DNAH3: variants seen among roughly 807,000 people sequenced by gnomAD.
DNAH3 encodes the protein axonemal beta dynein heavy chain 3.
A neutral mutation model predicts 432.5 loss-of-function variants in DNAH3; 332 were observed. The ratio of observed to expected loss-of-function variants is 0.77; its 90% CI spans 0.70 to 0.84. The LOEUF (loss-of-function observed/expected upper bound fraction) is 0.84, where lower values mean the gene tolerates loss of function less well. Ranked by LOEUF, DNAH3 falls within the 40% of genes least tolerant of loss-of-function variation. The pLI, the probability that DNAH3 is intolerant of heterozygous loss-of-function variation, is 0.00. For synonymous variants in DNAH3, 1,956 were observed against 1,900.2 expected (o/e 1.03, Z -0.76); for missense variants, 4,861 against 5,114.0 (o/e 0.95, Z 1.51).
intron 16 of DNAH3, 89 bp from the exon 17 acceptor site, chr16:21,098,858 C>A (rs2152793532): frequency 1.4e-6 from 2 of 1,379,782 alleles, no homozygotes; most frequent in Non-Finnish European, 2.0e-6. Context: ...TTTAAGCCTG[C>A]AGACAATTTG....
chr16:21,130,847 A>G (rs1166425471), intron 7 of DNAH3, among the ~76,000 whole-genome samples: 1 of 152,118 alleles, frequency 6.6e-6, no homozygotes, highest in Non-Finnish European at 1.5e-5. Context: ...GTTTCTGGCT[A>G]TTCATCCAGC....
At chr16:20,949,445 A>G (rs1166113630) in intron 56 of DNAH3, among the ~76,000 whole-genome samples, 2 of 152,066 alleles carry the variant, frequency 1.3e-5, no homozygotes, top group African/African-American at 2.4e-5. Flanking sequence ...TAATTGTTCT[A>G]TTTTATTACT....
intron 44 of DNAH3, among the ~76,000 whole-genome samples, chr16:20,992,457 C>G (rs191884009): frequency 6.6e-6 from 1 of 152,126 alleles, no homozygotes; most frequent in East Asian, 1.9e-4. Flanking sequence ...GCCATTCTCC[C>G]GCCTCAGCCT....
exon 54 of DNAH3, chr16:20,959,346 G>A (rs139356687): frequency 1.7e-5 from 27 of 1,614,080 alleles, no homozygotes; most frequent in Non-Finnish European, 2.0e-5. Flanking sequence ...CTTGGCCAAG[G>A]GAGATGGTCT....
At chr16:21,043,071 T>C (rs560933206) in intron 31 of DNAH3, among the ~76,000 whole-genome samples, 69 of 152,280 alleles carry the variant, frequency 4.5e-4, no homozygotes, top group African/African-American at 1.4e-3. Flanking sequence ...CAGTCTATCA[T>C]TGTTGGACAT....
chr16:21,091,480 T>C (rs1262463706), intron 18 of DNAH3, among the ~76,000 whole-genome samples: 1 of 152,082 alleles, frequency 6.6e-6, no homozygotes. Context: ...CATTAAAAAG[T>C]CAATCACTTT....
At chr16:20,964,582 A>T (rs781669544) in exon 53 of DNAH3, 1 of 1,614,166 alleles carries the variant, frequency 6.2e-7, no homozygotes, top group Non-Finnish European at 8.5e-7. Context: ...GATGACAGCC[A>T]GTTTATTCGC....
At chr16:20,951,781 C>G (rs1284100661) in intron 56 of DNAH3, among the ~76,000 whole-genome samples, 2 of 138,024 alleles carry the variant, frequency 1.4e-5, no homozygotes, top group African/African-American at 5.5e-5. Flanking sequence ...GTCTCTGTCA[C>G]CCAGGCTAGA....
intron 22 of DNAH3, 64 bp from the exon 23 acceptor site, chr16:21,069,658 G>A (rs998537629): frequency 4.8e-5 from 65 of 1,364,974 alleles, no homozygotes; most frequent in Admixed American, 8.5e-5. Flanking sequence ...GGCCCATGGA[G>A]AGAGCAAATG....
At chr16:20,965,466 C>G in intron 52 of DNAH3, 41 bp from the exon 53 acceptor site, 2 of 1,448,956 alleles carry the variant, frequency 1.4e-6, no homozygotes, top group Non-Finnish European at 1.8e-6. Flanking sequence ...TTAAGACATT[C>G]TGGCCAAGAC....
rs771791969 is a variant in DNAH3 at position 21,040,358 on chromosome 16, A to ATCTTTTTTTTTTTTTTTT, written c.4639-416_4639-415insAAAAAAAAAAAAAAAAGA. ...TCAGAAGAATCCCAAAGCCAGACAG[A>ATCTTTTTTTTTTTTTTTT]TTTTTTTTTTTTTTTTTTTTTTTTT... is the stretch of plus-strand genomic sequence containing the variant. On this transcript the variant is annotated intron_variant, in intron 32 of 61. Coordinates refer to ENST00000261383, the Ensembl canonical transcript of DNAH3. Among the ~76,000 whole-genome samples, 295 of 79,744 alleles carry ATCTTTTTTTTTTTTTTTT rather than the reference A, an allele frequency of 3.7e-3. 70 individuals are homozygous for ATCTTTTTTTTTTTTTTTT. The highest frequency in any genetic ancestry group is 0.016 in the African/African-American group (278 of 17,760). 52.3% of individuals were successfully genotyped at this position (79,744 alleles called of 152,430 possible).
rs180971368 is a variant in DNAH3, at chr16:21,013,772, G to A, written c.6022+5852C>T. On this transcript the variant is annotated intron_variant, in intron 41 of 61. Coordinates refer to ENST00000261383, the Ensembl canonical transcript of DNAH3. Reference sequence around the variant, plus strand: ...AAATGAAAGACAGGCCATCAGTACTGATTCAATGGACATTAAGAGGATAAT... The same window carrying A: ...AAATGAAAGACAGGCCATCAGTACTAATTCAATGGACATTAAGAGGATAAT... Among the ~76,000 whole-genome samples the A allele has an allele frequency of 1.7e-3, 255 of 149,888 alleles. 1 individual carries two copies. The highest frequency in any genetic ancestry group is 3.0e-3 in the Non-Finnish European group (203 of 67,580).
At chr16:21,006,164 A>C (rs1597121378) in intron 41 of DNAH3, among the ~76,000 whole-genome samples, 1 of 152,274 alleles carries the variant, frequency 6.6e-6, no homozygotes. Flanking sequence ...AATTATCTCA[A>C]ACCTTATTTC....
At chr16:21,000,199 G>A in intron 43 of DNAH3, 25 bp downstream of exon 43, 1 of 1,603,478 alleles carries the variant, frequency 6.2e-7, no homozygotes, top group Non-Finnish European at 8.5e-7. Context: ...ATCTGGTTGT[G>A]TCCAGACCCA....
chr16:21,028,676 A>G (rs2152721409), intron 37 of DNAH3, among the ~76,000 whole-genome samples: 1 of 152,120 alleles, frequency 6.6e-6, no homozygotes, highest in Admixed American at 6.6e-5. Flanking sequence ...AAGAAAGAAA[A>G]ATCATCAGAA....
chr16:21,159,262 A>T, intron 1 of DNAH3: 1 of 1,377,878 alleles, frequency 7.3e-7, no homozygotes, highest in Non-Finnish European at 1.0e-6. Flanking sequence ...TAAGTACTCG[A>T]CTCCCCTCTG....
chr16:21,003,164 A>G, exon 42 of DNAH3: 2 of 1,612,720 alleles, frequency 1.2e-6, no homozygotes, highest in Non-Finnish European at 1.7e-6. Context: ...ACGTTTCCCA[A>G]TGTCCACTAG....
chr16:21,011,504 G>C (rs1196739366), intron 41 of DNAH3, among the ~76,000 whole-genome samples: 2 of 152,056 alleles, frequency 1.3e-5, no homozygotes, highest in African/African-American at 4.8e-5. Context: ...ATAGAGGTGT[G>C]TGCCATCATG....
chr16:21,058,068 T>G lies in DNAH3; in HGVS notation c.3924+18A>C, dbSNP rs749515499. 2.2e-5 allele frequency: 30 copies of G among 1,364,186 alleles called. No individual in the cohort carries two copies. In the East Asian group the frequency reaches 6.9e-4, roughly 31 times the overall value. 84.5% of individuals were successfully genotyped at this position (1,364,186 alleles called of 1,614,324 possible). A position where few individuals can be genotyped will look rare whatever the true frequency, so the allele number is the denominator to read the frequency against. ...GATGCTTGGATCTCTTCTGTAACTTTGCAGCAAGTTCACTTACCAGTAAGG... is the reference window on the plus strand; with the variant it reads ...GATGCTTGGATCTCTTCTGTAACTTGGCAGCAAGTTCACTTACCAGTAAGG... On this transcript the variant is annotated intron_variant, in intron 27 of 61. Coordinates refer to ENST00000261383, the Ensembl canonical transcript of DNAH3.
Sources: gnomAD v4.1 joint callset for allele counts (sites outside exome capture counted in the v4.1 genomes callset) on GRCh38, gnomAD v4.1.1 for gene constraint, MANE v1.5 for transcripts, NCBI Gene and HGNC (gene_info 2026-07-23, HGNC 2026-07-21) for gene names.